Variants in PPT1 observed in about 807,000 individuals in gnomAD.
PPT1 encodes ceroid-palmitoyl-palmitoyl-protein thioesterase 1.
Under a neutral mutation model 44.0 loss-of-function variants are expected in PPT1, and 24 were observed. The observed-to-expected ratio is 0.54, with a 90% CI of 0.39 to 0.77. The LOEUF (loss-of-function observed/expected upper bound fraction) is 0.77, where lower values mean the gene tolerates loss of function less well. PPT1 is among the 30% of genes least tolerant of loss of function. The probability of loss-of-function intolerance (pLI) is 0.00; values close to 1 mark genes in which losing one functional copy is unlikely to be tolerated. For synonymous variants in PPT1, 148 were observed against 140.2 expected, an observed-to-expected ratio of 1.06 and a Z score of -0.39; for missense variants, 341 against 378.8, an observed-to-expected ratio of 0.90 and a Z score of 0.83.
At chr1:40,081,842 C>CA (rs1648959242) in intron 5 of PPT1, among the ~76,000 whole-genome samples, 1 of 151,938 alleles carries the variant, frequency 6.6e-6, no homozygotes, top group African/African-American at 2.4e-5. Flanking sequence ...GGGTAACAGG[C>CA]AGAGGCTGGC....
At chr1:40,079,392 CTTTTTTT>C (rs11464192) in intron 6 of PPT1, among the ~76,000 whole-genome samples, 73 of 90,104 alleles carry the variant, frequency 8.1e-4, no homozygotes, top group Admixed American at 2.7e-3. Context: ...TTTTCTTTTC[CTTTTTTT>C]TTTTTTTTTT....
intron 5 of PPT1, among the ~76,000 whole-genome samples, chr1:40,086,259 A>G (rs1481177872): frequency 1.3e-5 from 2 of 152,058 alleles, no homozygotes; most frequent in East Asian, 1.9e-4. Context: ...GATGGCAGGG[A>G]GCAAACCGGA....
At position 40,091,388 on chromosome 1, in the gene PPT1, G is replaced by C; in HGVS notation, c.374C>G (p.Ala125Gly). Residue 125 changes from alanine (A) to glycine (G), a missense_variant, in exon 4 of 9, where the codon GCT becomes GGT. Ala to Gly is a moderately conservative substitution (Grantham distance 60). Transcript: ENST00000642050. ...SQGGQFLRAV[A>G]QRCPSPPMIN... ...CATGGGAGGTGAAGGGCATCTCTGA[G>C]CCACTGCCCTCCTACGGAATAAAAG... 6.2e-7 allele frequency: 1 copy of C among 1,613,786 alleles called. No individual in the cohort carries two copies. Among genetic ancestry groups the C allele is most frequent in the African/African-American group, 1.3e-5 (1 of 75,024 alleles).
Position 40,089,433 on chromosome 1 carries a change from C to G in PPT1, c.513G>C (p.Ala171=). 1 of 1,614,018 alleles carries G rather than the reference C, an allele frequency of 6.2e-7. No individual in the cohort carries two copies. The highest frequency in any genetic ancestry group is 1.3e-5 in the African/African-American group (1 of 74,986). ...ACCGTTCCTGAACAACTTTGGAGTA[C>G]GCCCCAGCATTCAGTGTTTTTCGGA... is the stretch of plus-strand genomic sequence containing the variant. ...DFIRKTLNAG[A]YSKVVQERLV... is the part of the protein sequence containing the mutation. Residue 171 remains alanine (A), a synonymous_variant, in exon 5 of 9, where the codon GCG becomes GCC. Coordinates refer to ENST00000642050, the MANE Select transcript of PPT1 (RefSeq NM_000310.4).
At position 40,089,423 on chromosome 1, in the gene PPT1, C is replaced by G. The variant is rs760766767; in HGVS notation, c.523G>C (p.Val175Leu). The part of the protein sequence containing the change: ...KTLNAGAYSK[V>L]VQERLVQAEY... ...AACCATACATACCGTTCCTGAACAACTTTGGAGTACGCCCCAGCATTCAGT... is the reference window on the plus strand; with the variant it reads ...AACCATACATACCGTTCCTGAACAAGTTTGGAGTACGCCCCAGCATTCAGT... The change falls in exon 5 of 9, where the codon GTT becomes CTT. Residue 175 changes from valine (V) to leucine (L), a missense_variant. By Grantham distance (32) the Val-to-Leu change is conservative. Transcript: ENST00000642050. The G allele has an allele frequency of 3.7e-6, 6 of 1,614,014 alleles. No homozygotes were observed. Among genetic ancestry groups the G allele is most frequent in the Non-Finnish European group, 5.1e-6 (6 of 1,179,916 alleles).
chr1:40,094,961 CAAGT>C (rs1649769984), intron 1 of PPT1, among the ~76,000 whole-genome samples: 1 of 152,170 alleles, frequency 6.6e-6, no homozygotes, highest in African/African-American at 2.4e-5. Context: ...GAGAACCTTG[CAAGT>C]GTTTGTATTT....
Position 40,073,795 on chromosome 1 carries a change from CCTTTTCTAAAA to C in PPT1, c.*255_*265del. On this transcript the variant is annotated 3_prime_UTR_variant, in exon 9 of 9. Transcript: ENST00000642050. ...TCTGGCACTGATCTGGAACAGACTC[CCTTTTCTAAAA>C]CTGAACTTGACCACATCAAAAGTTT... 1 of 475,568 alleles carries C rather than the reference CCTTTTCTAAAA, an allele frequency of 2.1e-6. No individual in the cohort carries two copies. The highest frequency in any genetic ancestry group is 3.8e-6 in the Non-Finnish European group (1 of 260,140). 29.5% of individuals were successfully genotyped at this position (475,568 alleles called of 1,614,324 possible).
chr1:40,074,465 CTCTTTCTCTT>C (rs1296836369), intron 8 of PPT1, among the ~76,000 whole-genome samples: 18 of 123,166 alleles, frequency 1.5e-4, no homozygotes, highest in African/African-American at 5.7e-4. Flanking sequence ...CTCTCTGTCT[CTCTTTCTCTT>C]TCTTTCTTTC....
chr1:40,092,569 C>A, intron 1 of PPT1, 62 bp from the exon 2 acceptor site: 2 of 1,303,814 alleles, frequency 1.5e-6, no homozygotes, highest in South Asian at 2.4e-5. Flanking sequence ...TGTTTAAAAA[C>A]TCTGAGGCCT....
chr1:40,092,361 A>G, intron 2 of PPT1, 37 bp downstream of exon 2: 1 of 1,552,740 alleles, frequency 6.4e-7, no homozygotes, highest in Non-Finnish European at 8.9e-7. Context: ...GAAATCAGTC[A>G]GCAACCCTTC....
chr1:40,091,906 C>T (rs549604581), intron 3 of PPT1, 139 bp downstream of exon 3: 1 of 1,069,044 alleles, frequency 9.4e-7, no homozygotes, highest in East Asian at 2.6e-5. Context: ...TTCCATAAAG[C>T]TTCTTACACA....
chr1:40,072,311 C>T (rs190302166), downstream of PPT1: 350 of 370,524 alleles, frequency 9.4e-4, no homozygotes, highest in African/African-American at 7.0e-3. Context: ...CTGAATCCTT[C>T]TTCCCTGCCA....
At chr1:40,083,317 T>C (rs1649077327) in intron 5 of PPT1, among the ~76,000 whole-genome samples, 1 of 152,114 alleles carries the variant, frequency 6.6e-6, no homozygotes, top group Non-Finnish European at 1.5e-5. Context: ...TAGCCGAGCA[T>C]GGCGGTGCAT....
intron 5 of PPT1, among the ~76,000 whole-genome samples, chr1:40,088,882 A>T (rs1341400993): frequency 6.6e-6 from 1 of 152,204 alleles, no homozygotes; most frequent in Non-Finnish European, 1.5e-5. Context: ...TTATAATTAC[A>T]TTCTTCTTAC....
At chr1:40,072,263 A>C (rs1648191035), downstream of PPT1, 2 of 295,660 alleles carry the variant, frequency 6.8e-6, no homozygotes, top group Non-Finnish European at 1.1e-5. Context: ...AAAAAAAAAA[A>C]AAAAAAAACC....
downstream of PPT1, chr1:40,071,767 G>A (rs775060261): frequency 2.7e-5 from 15 of 551,250 alleles, no homozygotes; most frequent in Non-Finnish European, 3.9e-5. Context: ...GCTCAACCAC[G>A]CCGCCAGTCC....
At position 40,092,006 on chromosome 1, in the gene PPT1, T is replaced by A. The variant is rs369877816; in HGVS notation, c.362+39A>T. ...TCTGAATAAAAGAAACAAAAATCAA[T>A]TCCATATAAGTGGTACAATATAACA... On this transcript the variant is annotated intron_variant, in intron 3 of 8. Transcript: ENST00000642050. 6 of 1,609,890 alleles carry A rather than the reference T, an allele frequency of 3.7e-6. No individual in the cohort carries two copies. The African/African-American group carries it at 8.0e-5, about 22-fold the overall frequency.
At chr1:40,091,230 G>T in intron 4 of PPT1, 99 bp downstream of exon 4, 1 of 1,224,944 alleles carries the variant, frequency 8.2e-7, no homozygotes, top group Non-Finnish European at 1.2e-6. Flanking sequence ...TGCAAGAATG[G>T]CTGATGTCTT....
chr1:40,091,708 AC>A (rs1356937292), intron 3 of PPT1, among the ~76,000 whole-genome samples: 1 of 152,098 alleles, frequency 6.6e-6, no homozygotes, highest in Non-Finnish European at 1.5e-5. Context: ...TACTAAAAAT[AC>A]AAAAAATTAG....
Sources: gnomAD v4.1 joint callset for allele counts (sites outside exome capture counted in the v4.1 genomes callset) on GRCh38, gnomAD v4.1.1 for gene constraint, MANE v1.5 for transcripts, NCBI Gene and HGNC (gene_info 2026-07-23, HGNC 2026-07-21) for gene names.